The following KLHL13 variants were observed in gnomAD, a reference collection of about 807,000 sequenced individuals.
KLHL13 encodes the protein kelch like family member 13.
KLHL13 carries 10 observed loss-of-function variants against 37.1 expected under a neutral mutation model. That is an observed-to-expected ratio of 0.27 (90% CI 0.17 to 0.46). The LOEUF (loss-of-function observed/expected upper bound fraction) is 0.46, where lower values mean the gene tolerates loss of function less well. Ranked by LOEUF, KLHL13 falls within the 20% of genes least tolerant of loss-of-function variation. The pLI is 1.00. For missense variants in KLHL13, 360 were observed against 509.3 expected (o/e 0.71, Z 2.82); for synonymous variants, 163 against 181.2 (o/e 0.90, Z 0.81).
intron 1 of KLHL13, among the ~76,000 whole-genome samples, chrX:117,992,338 T>C (rs1279834937): frequency 1.8e-5 from 2 of 110,560 alleles, no homozygotes; most frequent in African/African-American, 6.6e-5. Context: ...CTTTCCTGAC[T>C]CTCTGCTCCC....
rs113171414 is a variant in KLHL13 at position 118,080,756 on chromosome X, C to T, written c.-56+35752G>A. On this transcript the variant is annotated intron_variant, in intron 1 of 6. Transcript: ENST00000371882. Reference sequence around the variant, plus strand: ...ACCATTTGATTCAGCAATCCCATTACTGGGTACATACCCAAAGGAAATTAG... The same window carrying T: ...ACCATTTGATTCAGCAATCCCATTATTGGGTACATACCCAAAGGAAATTAG... 6.9e-3 allele frequency among the ~76,000 whole-genome samples: 768 copies of T among 112,073 alleles called. 4 individuals carry two copies. Among genetic ancestry groups the T allele is most frequent in the African/African-American group, 0.024 (737 of 30,894 alleles).
intron 1 of KLHL13, among the ~76,000 whole-genome samples, chrX:118,012,459 T>C (rs1192691241): frequency 1.8e-5 from 2 of 110,393 alleles, no homozygotes; most frequent in Non-Finnish European, 3.8e-5. Flanking sequence ...TCAAAGAGCA[T>C]CACTCCAACC....
chrX:118,055,986 A>G, intron 1 of KLHL13, among the ~76,000 whole-genome samples: 1 of 111,465 alleles, frequency 9.0e-6, no homozygotes, highest in Non-Finnish European at 1.9e-5. Flanking sequence ...AAAAGAAAAA[A>G]AGGCACCCAT....
At chrX:118,077,565 C>T (rs1484580637) in intron 1 of KLHL13, among the ~76,000 whole-genome samples, 1 of 109,955 alleles carries the variant, frequency 9.1e-6, no homozygotes, top group African/African-American at 3.3e-5. Flanking sequence ...ATAAACAGGC[C>T]CTAGAAAGGA....
chrX:117,949,959 G>A, intron 1 of KLHL13, among the ~76,000 whole-genome samples: 1 of 111,947 alleles, frequency 8.9e-6, no homozygotes, highest in Non-Finnish European at 1.9e-5. Context: ...ATAAAAGACT[G>A]TTCTCTACAC....
chrX:118,039,887 AAG>A (rs985093510), intron 1 of KLHL13, among the ~76,000 whole-genome samples: 22 of 110,645 alleles, frequency 2.0e-4, no homozygotes, highest in Non-Finnish European at 3.8e-4. Context: ...CAACTCAGAA[AAG>A]AGAGAGAGAG....
intron 1 of KLHL13, among the ~76,000 whole-genome samples, chrX:118,076,913 C>T (rs1235088979): frequency 4.6e-5 from 5 of 108,422 alleles, no homozygotes; most frequent in African/African-American, 1.7e-4. Flanking sequence ...TCTTCTCTCT[C>T]TCTCTCTCCC....
At chrX:117,985,450 A>T in intron 1 of KLHL13, 1 of 796,014 alleles carries the variant, frequency 1.3e-6, no homozygotes, top group Non-Finnish European at 1.6e-6. Flanking sequence ...ATATATTTAA[A>T]AAAAAAAAAA....
chrX:117,905,772 T>A (rs945405480), intron 5 of KLHL13, among the ~76,000 whole-genome samples: 2 of 111,183 alleles, frequency 1.8e-5, no homozygotes, highest in African/African-American at 6.5e-5. Flanking sequence ...AGATGGAGTA[T>A]CCATCCTTTC....
chrX:118,027,478 A>C (rs1044793269), intron 1 of KLHL13, among the ~76,000 whole-genome samples: 1 of 111,129 alleles, frequency 9.0e-6, no homozygotes, highest in South Asian at 3.8e-4. Context: ...AAGCAACTTG[A>C]TTTGGGTGGA....
intron 1 of KLHL13, among the ~76,000 whole-genome samples, chrX:118,020,373 T>C (rs147542431): frequency 0.028 from 3,167 of 111,788 alleles, 128 homozygotes; most frequent in African/African-American, 0.096. Flanking sequence ...AAGTTGCGTA[T>C]CAGCTTAAGG....
intron 1 of KLHL13, among the ~76,000 whole-genome samples, chrX:117,958,849 T>C (rs974978173): frequency 5.4e-5 from 6 of 111,769 alleles, no homozygotes; most frequent in Non-Finnish European, 1.1e-4. Flanking sequence ...TGCCAACTTT[T>C]TTCTCTAATC....
chrX:118,023,546 C>CA (rs1201117227), intron 1 of KLHL13, among the ~76,000 whole-genome samples: 1 of 111,449 alleles, frequency 9.0e-6, no homozygotes, highest in African/African-American at 3.3e-5. Flanking sequence ...CTTTCTTAGT[C>CA]AAAAAGAGTT....
At chrX:117,996,537 T>C (rs1191857875) in intron 1 of KLHL13, among the ~76,000 whole-genome samples, 2 of 111,882 alleles carry the variant, frequency 1.8e-5, no homozygotes, top group Non-Finnish European at 3.8e-5. Flanking sequence ...TATTTTCTGG[T>C]AGAGTGTTGC....
At chrX:118,084,797 C>A (rs996498360) in intron 1 of KLHL13, among the ~76,000 whole-genome samples, 1 of 111,015 alleles carries the variant, frequency 9.0e-6, no homozygotes, top group Non-Finnish European at 1.9e-5. Flanking sequence ...AAGGCCGAGG[C>A]GGATGGATCA....
chrX:117,941,821 G>A (rs771184017), intron 2 of KLHL13, among the ~76,000 whole-genome samples: 2 of 111,487 alleles, frequency 1.8e-5, no homozygotes, highest in South Asian at 3.8e-4. Context: ...TGTTCCTCGT[G>A]TCTCTATCTC....
chrX:118,020,449 C>T (rs940949893), intron 1 of KLHL13, among the ~76,000 whole-genome samples: 22 of 111,450 alleles, frequency 2.0e-4, no homozygotes, highest in African/African-American at 7.2e-4. Context: ...AAGATACCAT[C>T]TCACACCAGT....
intron 1 of KLHL13, among the ~76,000 whole-genome samples, chrX:118,005,208 C>G (rs762935045): frequency 9.0e-6 from 1 of 111,462 alleles, no homozygotes; most frequent in Admixed American, 9.6e-5. Context: ...CAATGCCCCA[C>G]AGATAACAAC....
At chrX:117,915,416 C>T (rs1931282866) in intron 4 of KLHL13, among the ~76,000 whole-genome samples, 1 of 111,183 alleles carries the variant, frequency 9.0e-6, no homozygotes, top group Admixed American at 9.6e-5. Flanking sequence ...CTCTTCATCA[C>T]CTCCAGTCAC....
Sources: allele counts gnomAD v4.1 joint callset (sites outside exome capture counted in the v4.1 genomes callset), GRCh38; gene constraint gnomAD v4.1.1; transcripts MANE v1.5; gene names NCBI Gene and HGNC (gene_info 2026-07-23, HGNC 2026-07-21).